The following SPOCK3 variants were observed in gnomAD, a reference collection of about 807,000 sequenced individuals.
SPOCK3 encodes the protein testican-3.
Under a neutral mutation model 56.6 loss-of-function variants are expected in SPOCK3, and 30 were observed. That is an observed-to-expected ratio of 0.53 (90% CI 0.40 to 0.72). The LOEUF (loss-of-function observed/expected upper bound fraction) is 0.72, where lower values mean the gene tolerates loss of function less well. Among genes scored for constraint, SPOCK3 ranks in the 30% least tolerant of loss-of-function variants. The pLI is 0.00. For missense variants in SPOCK3, 527 were observed against 530.0 expected (o/e 0.99, Z 0.06); for synonymous variants, 196 against 183.3 (o/e 1.07, Z -0.56).
At chr4:166,839,705 A>G (rs1172275053) in intron 6 of SPOCK3, among the ~76,000 whole-genome samples, 3 of 152,182 alleles carry the variant, frequency 2.0e-5, no homozygotes, top group African/African-American at 7.2e-5. Context: ...TACCATCATT[A>G]TAATCAATTT....
intron 3 of SPOCK3, among the ~76,000 whole-genome samples, chr4:167,005,927 A>C (rs992456462): frequency 1.3e-5 from 2 of 151,924 alleles, no homozygotes; most frequent in African/African-American, 4.8e-5. Context: ...CAGAATTATA[A>C]TTTTTTTTAC....
rs74622400 is a variant in SPOCK3, at chr4:166,826,702, C to T, written c.590-34413G>A. On this transcript the variant is annotated intron_variant, in intron 6 of 10. Coordinates refer to ENST00000357545, the MANE Select transcript of SPOCK3 (RefSeq NM_001040159.2). ...TTGGATTATGTGGGAATGCCCACATCCCATATTTCTGGGAGCACAGTACCT... is the reference window on the plus strand; with the variant it reads ...TTGGATTATGTGGGAATGCCCACATTCCATATTTCTGGGAGCACAGTACCT... Among the ~76,000 whole-genome samples, 395 of 152,156 alleles carry T rather than the reference C, an allele frequency of 2.6e-3. 10 individuals are homozygous for T. The East Asian group carries it at 0.059, about 23-fold the overall frequency.
intron 5 of SPOCK3, among the ~76,000 whole-genome samples, chr4:166,909,620 G>T (rs557367970): frequency 6.6e-6 from 1 of 151,996 alleles, no homozygotes; most frequent in Non-Finnish European, 1.5e-5. Context: ...CTGAATGTAG[G>T]GCCCCACATC....
At chr4:167,223,436 T>C (rs1736271318) in intron 2 of SPOCK3, among the ~76,000 whole-genome samples, 1 of 150,454 alleles carries the variant, frequency 6.6e-6, no homozygotes, top group South Asian at 2.1e-4. Flanking sequence ...TGGGATAATA[T>C]ATTTAAAGTG....
rs781766258 is a variant in SPOCK3, at chr4:166,899,508, C to CT, written c.475-10265dup. Among the ~76,000 whole-genome samples the CT allele has an allele frequency of 8.1e-3, 960 of 119,090 alleles. 24 individuals carry two copies. Among genetic ancestry groups the CT allele is most frequent in the African/African-American group, 0.024 (771 of 32,416 alleles). 78.1% of individuals were successfully genotyped at this position (119,090 alleles called of 152,430 possible). ...ATCTGTTCAGTGTATTTCTTTCTTT[C>CT]TTTTTTTTTTTTTTTTGAGACAGAG... On this transcript the variant is annotated intron_variant, in intron 5 of 10. Coordinates refer to ENST00000357545, the MANE Select transcript of SPOCK3 (RefSeq NM_001040159.2).
intron 7 of SPOCK3, among the ~76,000 whole-genome samples, chr4:166,782,723 TA>T (rs1740309044): frequency 6.6e-6 from 1 of 152,198 alleles, no homozygotes; most frequent in African/African-American, 2.4e-5. Flanking sequence ...GTAAATATAT[TA>T]TTTTTAATTC....
At chr4:166,946,361 T>C (rs1485541298) in intron 4 of SPOCK3, among the ~76,000 whole-genome samples, 1 of 152,214 alleles carries the variant, frequency 6.6e-6, no homozygotes, top group Admixed American at 6.5e-5. Flanking sequence ...GACTCTTATT[T>C]TTCAGAGCAC....
intron 6 of SPOCK3, among the ~76,000 whole-genome samples, chr4:166,851,292 G>A (rs1158367696): frequency 6.6e-6 from 1 of 152,160 alleles, no homozygotes; most frequent in African/African-American, 2.4e-5. Context: ...AAACAGAAAG[G>A]ATATCCACAC....
intron 2 of SPOCK3, among the ~76,000 whole-genome samples, chr4:167,105,721 C>T (rs950408203): frequency 6.6e-6 from 1 of 151,314 alleles, no homozygotes; most frequent in African/African-American, 2.4e-5. Flanking sequence ...TAAAAAAAGA[C>T]CCAATGATCT....
intron 2 of SPOCK3, among the ~76,000 whole-genome samples, chr4:167,124,551 G>C (rs2150369544): frequency 6.6e-6 from 1 of 152,182 alleles, no homozygotes; most frequent in Non-Finnish European, 1.5e-5. Flanking sequence ...CATTTGGTCA[G>C]CTGTACCTTC....
chr4:166,748,491 T>A (rs1349276412), intron 8 of SPOCK3, among the ~76,000 whole-genome samples: 1 of 136,958 alleles, frequency 7.3e-6, no homozygotes, highest in Non-Finnish European at 1.5e-5. Flanking sequence ...TAACTCAAGA[T>A]GGATTAAAGA....
chr4:166,959,420 C>T (rs1232919292), intron 4 of SPOCK3, among the ~76,000 whole-genome samples: 1 of 151,968 alleles, frequency 6.6e-6, no homozygotes, highest in African/African-American at 2.4e-5. Flanking sequence ...CAAGACCAGC[C>T]TGGCCAGCAT....
intron 4 of SPOCK3, among the ~76,000 whole-genome samples, chr4:166,976,048 T>C (rs909102114): frequency 2.6e-5 from 4 of 151,882 alleles, no homozygotes; most frequent in African/African-American, 9.7e-5. Flanking sequence ...TGCATAGAAA[T>C]CTTGATCTTA....
At chr4:167,042,570 A>T (rs1242279058) in intron 3 of SPOCK3, among the ~76,000 whole-genome samples, 2 of 152,074 alleles carry the variant, frequency 1.3e-5, no homozygotes, top group African/African-American at 4.8e-5. Flanking sequence ...TGATCAGAAA[A>T]CTCTGATTTA....
intron 2 of SPOCK3, among the ~76,000 whole-genome samples, chr4:167,117,870 A>T (rs1171243873): frequency 5.9e-5 from 9 of 152,200 alleles, no homozygotes; most frequent in Non-Finnish European, 1.5e-5. Context: ...ACAAAGCTTA[A>T]TAAGACCCAA....
intron 4 of SPOCK3, among the ~76,000 whole-genome samples, chr4:166,923,985 T>C (rs972836462): frequency 2.0e-5 from 3 of 152,168 alleles, no homozygotes; most frequent in African/African-American, 7.2e-5. Flanking sequence ...CTTTTGCATT[T>C]AGCAGTCGTG....
intron 3 of SPOCK3, among the ~76,000 whole-genome samples, chr4:167,053,690 TAAATAAATAAATAAAC>T (rs1458393815): frequency 2.6e-5 from 4 of 151,486 alleles, no homozygotes; most frequent in African/African-American, 9.7e-5. Context: ...ATCTCAAAAA[TAAATAAATAAATAAAC>T]AAATAAATAA....
rs1375272301 is a variant in SPOCK3 at position 166,966,240 on chromosome 4, G to A, written c.350+34109C>T. ...CCACTTATTCATCCATCCTTTCAGC[G>A]TTTTTTTTTTTTTCCCGTCAAGTGT... is the stretch of plus-strand genomic sequence containing the variant. On this transcript the variant is annotated intron_variant, in intron 4 of 10. Coordinates refer to ENST00000357545, the MANE Select transcript of SPOCK3 (RefSeq NM_001040159.2). 6.4e-5 allele frequency among the ~76,000 whole-genome samples: 9 copies of A among 141,468 alleles called. No individual in the cohort carries two copies. In the South Asian group the frequency reaches 1.3e-3, roughly 21 times the overall value. The allele number at this position is 141,468 out of a possible 152,430, so 92.8% of individuals were successfully genotyped here. A position where few individuals can be genotyped will look rare whatever the true frequency, so the allele number is the denominator to read the frequency against.
intron 2 of SPOCK3, among the ~76,000 whole-genome samples, chr4:167,220,318 C>T (rs1735775696): frequency 6.6e-6 from 1 of 150,616 alleles, no homozygotes; most frequent in African/African-American, 2.4e-5. Flanking sequence ...CACAGTAACA[C>T]TTAAAAAACA....
Sources: allele counts gnomAD v4.1 joint callset (sites outside exome capture counted in the v4.1 genomes callset), GRCh38; gene constraint gnomAD v4.1.1; transcripts MANE v1.5; gene names NCBI Gene and HGNC (gene_info 2026-07-23, HGNC 2026-07-21).